B3GALT1: variants seen among roughly 807,000 people sequenced by gnomAD.
B3GALT1 encodes the protein beta-1,3-galactosyltransferase 1, also known as UDP-Gal:betaGlcNAc beta 1,3-galactosyltransferase, polypeptide 1.
Under a neutral mutation model 23.2 loss-of-function variants are expected in B3GALT1, and 10 were observed. That is an observed-to-expected ratio of 0.43 (90% CI 0.27 to 0.73). The LOEUF (loss-of-function observed/expected upper bound fraction) is 0.73. Among genes scored for constraint, B3GALT1 ranks in the 30% least tolerant of loss-of-function variants. The probability of loss-of-function intolerance (pLI) is 0.21; values close to 1 mark genes in which losing one functional copy is unlikely to be tolerated. For synonymous variants in B3GALT1, 156 were observed against 141.5 expected (o/e 1.10, Z -0.73); for missense variants, 299 against 405.4 (o/e 0.74, Z 2.25).
chr2:167,515,515 A>G (rs1700087804), intron 2 of B3GALT1, among the ~76,000 whole-genome samples: 1 of 152,168 alleles, frequency 6.6e-6, no homozygotes, highest in African/African-American at 2.4e-5. Context: ...AGGGAAGCAT[A>G]AAGCAAAATG....
At chr2:167,345,365 C>T (rs1697211667) in intron 1 of B3GALT1, among the ~76,000 whole-genome samples, 1 of 152,100 alleles carries the variant, frequency 6.6e-6, no homozygotes, top group Non-Finnish European at 1.5e-5. Flanking sequence ...GAGATTGCTA[C>T]TGACCACCCT....
chr2:167,310,084 A>G (rs149637736), intron 1 of B3GALT1, among the ~76,000 whole-genome samples: 137 of 152,254 alleles, frequency 9.0e-4, no homozygotes, highest in African/African-American at 3.2e-3. Flanking sequence ...CATTATTTTC[A>G]CTGATTAACT....
Position 167,350,464 on chromosome 2 carries a change from G to A in B3GALT1, c.-511+57130G>A, listed in dbSNP as rs539609483. ...GCAAAGGGTTCATACACAGGCTGAC[G>A]ACACCTCCCCTGTGTTCCCAAGAAG... On this transcript the variant is annotated intron_variant, in intron 1 of 4. Coordinates refer to ENST00000392690, the MANE Select transcript of B3GALT1 (RefSeq NM_020981.4). Among the ~76,000 whole-genome samples, 13 of 152,308 alleles carry A rather than the reference G, an allele frequency of 8.5e-5. No individual in the cohort carries two copies. In the South Asian group the frequency reaches 2.7e-3, roughly 32 times the overall value.
At chr2:167,750,842 G>T (rs1253678291) in intron 3 of B3GALT1, among the ~76,000 whole-genome samples, 8 of 151,588 alleles carry the variant, frequency 5.3e-5, no homozygotes, top group Admixed American at 5.3e-4. Flanking sequence ...CTGCCCATCT[G>T]TTCCTCTCAC....
intron 1 of B3GALT1, among the ~76,000 whole-genome samples, chr2:167,429,486 G>C (rs1001179707): frequency 6.6e-6 from 1 of 152,022 alleles, no homozygotes; most frequent in African/African-American, 2.4e-5. Context: ...CATGAACCAA[G>C]TATCTAGAGA....
chr2:167,431,153 C>G (rs187896161), intron 1 of B3GALT1, among the ~76,000 whole-genome samples: 2 of 152,208 alleles, frequency 1.3e-5, no homozygotes, highest in Admixed American at 1.3e-4. Context: ...GAAACAGTCT[C>G]GGTTGAATAA....
chr2:167,745,357 G>A (rs1227465107), intron 3 of B3GALT1, among the ~76,000 whole-genome samples: 1 of 138,148 alleles, frequency 7.2e-6, no homozygotes, highest in Admixed American at 6.8e-5. Context: ...TGTAGACACT[G>A]TTTATTATGA....
chr2:167,605,126 A>T (rs370302428), intron 2 of B3GALT1, among the ~76,000 whole-genome samples: 2 of 152,176 alleles, frequency 1.3e-5, no homozygotes, highest in South Asian at 4.1e-4. Flanking sequence ...TTGGCACTGG[A>T]TGGCAGTGTG....
chr2:167,417,814 C>A (rs1698492510), intron 1 of B3GALT1, among the ~76,000 whole-genome samples: 1 of 152,150 alleles, frequency 6.6e-6, no homozygotes, highest in Non-Finnish European at 1.5e-5. Context: ...AGTTCTCTGA[C>A]AAAATGAGTT....
chr2:167,853,572 TTAA>T (rs1689944910), intron 4 of B3GALT1, among the ~76,000 whole-genome samples: 1 of 152,150 alleles, frequency 6.6e-6, no homozygotes, highest in Non-Finnish European at 1.5e-5. Context: ...TATTATAATG[TTAA>T]TAAATGTTAA....
intron 1 of B3GALT1, among the ~76,000 whole-genome samples, chr2:167,311,276 A>G (rs73013905): frequency 0.012 from 1,758 of 152,232 alleles, 23 homozygotes; most frequent in Admixed American, 0.034. Flanking sequence ...ATAGATATCC[A>G]GTTAAAAATA....
chr2:167,368,201 A>G (rs1190371972), intron 1 of B3GALT1, among the ~76,000 whole-genome samples: 1 of 152,192 alleles, frequency 6.6e-6, no homozygotes, highest in Admixed American at 6.5e-5. Flanking sequence ...TGAGAGAAAA[A>G]TTGTCTTCTG....
rs1340140379 is a variant in B3GALT1 at position 167,868,862 on chromosome 2, A to G, written c.-178A>G. 3.1e-6 allele frequency: 2 copies of G among 647,982 alleles called. No individual in the cohort carries two copies. Among genetic ancestry groups the G allele is most frequent in the Admixed American group, 3.1e-5 (1 of 32,076 alleles). The allele number at this position is 647,982 out of a possible 1,614,324, so 40.1% of individuals were successfully genotyped here. On this transcript the variant is annotated 5_prime_UTR_variant, in exon 5 of 5. Coordinates refer to ENST00000392690, the MANE Select transcript of B3GALT1 (RefSeq NM_020981.4). ...GGAACCCTCCATCAGATTTGGAAGA[A>G]AGTAGAATGAGCGCAGAGGTGACAG...
At chr2:167,436,538 T>G (rs1257199553) in intron 1 of B3GALT1, among the ~76,000 whole-genome samples, 1 of 152,220 alleles carries the variant, frequency 6.6e-6, no homozygotes, top group East Asian at 1.9e-4. Context: ...AAATGTTAAT[T>G]AATTCATTGA....
chr2:167,532,570 ACACT>A (rs749397360), intron 2 of B3GALT1, among the ~76,000 whole-genome samples: 73 of 151,936 alleles, frequency 4.8e-4, no homozygotes, highest in African/African-American at 1.3e-3. Context: ...ATACACACAC[ACACT>A]CACTATCATT....
In B3GALT1 at chr2:167,539,088, C is replaced by G. The variant is rs557944373; in HGVS notation, c.-410+48811C>G. Among the ~76,000 whole-genome samples the G allele has an allele frequency of 9.9e-5, 15 of 152,152 alleles. No homozygotes were observed. In the East Asian group the frequency reaches 2.7e-3, roughly 27 times the overall value. On this transcript the variant is annotated intron_variant, in intron 2 of 4. Transcript: ENST00000392690. Reference sequence around the variant, plus strand: ...AATACACTATTTGTTAATTGTTAATCTATGCTAAAAACTAATGACAAATGA... The same window carrying G: ...AATACACTATTTGTTAATTGTTAATGTATGCTAAAAACTAATGACAAATGA...
intron 2 of B3GALT1, among the ~76,000 whole-genome samples, chr2:167,555,775 A>G (rs1203038695): frequency 6.6e-6 from 1 of 152,182 alleles, no homozygotes; most frequent in Non-Finnish European, 1.5e-5. Context: ...TCTACTTACC[A>G]TATGGCGTGT....
At chr2:167,715,628 A>T in intron 3 of B3GALT1, 1 of 1,613,910 alleles carries the variant, frequency 6.2e-7, no homozygotes, top group Non-Finnish European at 8.5e-7. Context: ...TTCTAGACAG[A>T]GGATTTCATC....
At chr2:167,677,672 A>AT (rs199840732) in intron 3 of B3GALT1, among the ~76,000 whole-genome samples, 3 of 151,136 alleles carry the variant, frequency 2.0e-5, no homozygotes, top group South Asian at 2.1e-4. Context: ...CTGCCTTTGT[A>AT]TTTTTTTTTC....
Sources: gnomAD v4.1 joint callset for allele counts (sites outside exome capture counted in the v4.1 genomes callset) on GRCh38, gnomAD v4.1.1 for gene constraint, MANE v1.5 for transcripts, NCBI Gene and HGNC (gene_info 2026-07-23, HGNC 2026-07-21) for gene names.